Variants in ACAD9 observed in about 807,000 individuals in gnomAD.
ACAD9 encodes the protein acyl-CoA dehydrogenase family member 9, also known as complex I assembly factor ACAD9, mitochondrial.
In ACAD9, 53 loss-of-function variants were observed where a neutral mutation model predicts 70.2. That is an observed-to-expected ratio of 0.75 (90% CI 0.61 to 0.95). ACAD9 has a LOEUF of 0.95. Among genes scored for constraint, ACAD9 ranks in the 40% least tolerant of loss-of-function variants. The pLI is 0.00. For synonymous variants in ACAD9, 313 were observed against 312.1 expected (o/e 1.00, Z -0.03); for missense variants, 777 against 802.8 (o/e 0.97, Z 0.39).
chr3:128,909,028 C>A lies in ACAD9; in HGVS notation c.1414C>A (p.Arg472=), dbSNP rs538712343. Residue 472 remains arginine (R), a synonymous_variant, in exon 14 of 18, where the codon CGG becomes AGG. Transcript: ENST00000308982. ...TVMDTVGRRL[R]DSLGRTVDLG... ...CATGGATACCGTTGGCCGGAGGCTT[C>A]GGGACTCCCTGGGCCGAACTGTGGA... 2 of 1,614,138 alleles carry A rather than the reference C, an allele frequency of 1.2e-6. No homozygotes were observed. Among genetic ancestry groups the A allele is most frequent in the Non-Finnish European group, 8.5e-7 (1 of 1,180,038 alleles).
chr3:128,894,223 A>G (rs1307090767), intron 3 of ACAD9, among the ~76,000 whole-genome samples: 1 of 152,186 alleles, frequency 6.6e-6, no homozygotes, highest in Admixed American at 6.5e-5. Flanking sequence ...GGATGCTGCT[A>G]AGCATCTGAC....
chr3:128,887,649 ATATAT>A (rs1559819643), intron 2 of ACAD9, among the ~76,000 whole-genome samples: 19 of 142,694 alleles, frequency 1.3e-4, no homozygotes, highest in Admixed American at 2.1e-4. Context: ...AAATAAATAT[ATATAT>A]ATATATATAT....
At chr3:128,911,828 T>C (rs1936361723) in intron 17 of ACAD9, among the ~76,000 whole-genome samples, 1 of 152,224 alleles carries the variant, frequency 6.6e-6, no homozygotes, top group South Asian at 2.1e-4. Context: ...GCATTTTACC[T>C]GCCCCTTTAC....
In ACAD9 at chr3:128,909,047, C is replaced by T. The variant is rs755135196; in HGVS notation, c.1433C>T (p.Thr478Ile). 3 of 1,614,172 alleles carry T rather than the reference C, an allele frequency of 1.9e-6. No individual in the cohort carries two copies. The highest frequency in any genetic ancestry group is 2.5e-6 in the Non-Finnish European group (3 of 1,180,044). The change falls in exon 14 of 18, where the codon ACT becomes ATT. Residue 478 changes from threonine to isoleucine, a missense_variant. Transcript: ENST00000308982. ...AGGCTTCGGGACTCCCTGGGCCGAA[C>T]TGTGGACCTGGGGCTGACAGGCAAC... ...GRRLRDSLGR[T>I]VDLGLTGNHG...
At chr3:128,910,273 G>T (rs73862593) in intron 16 of ACAD9, 124 bp downstream of exon 16, 4 of 1,529,064 alleles carry the variant, frequency 2.6e-6, no homozygotes, top group African/African-American at 2.7e-5. Flanking sequence ...TTCACCATGC[G>T]GTGGCCGTGG....
chr3:128,903,975 G>T, intron 9 of ACAD9, 87 bp from the exon 10 acceptor site: 1 of 1,413,832 alleles, frequency 7.1e-7, no homozygotes, highest in South Asian at 1.2e-5. Context: ...GCCCACCTGT[G>T]GGAAGGGTAA....
At chr3:128,880,664 G>A (rs772182248) in intron 1 of ACAD9, among the ~76,000 whole-genome samples, 15 of 152,098 alleles carry the variant, frequency 9.9e-5, no homozygotes, top group Non-Finnish European at 1.6e-4. Flanking sequence ...TGGGATTACA[G>A]GGGTGAGCCA....
chr3:128,898,003 C>T (rs1219830146), intron 6 of ACAD9, among the ~76,000 whole-genome samples: 3 of 151,926 alleles, frequency 2.0e-5, no homozygotes, highest in Non-Finnish European at 4.4e-5. Context: ...ATTAGAGGTG[C>T]GTGTCACCAC....
At position 128,879,772 on chromosome 3, in the gene ACAD9, G is replaced by C; in HGVS notation, c.81G>C (p.Arg27=). The change falls in exon 1 of 18, where the codon CGG becomes CGC. Residue 27 remains arginine, a synonymous_variant. Coordinates refer to ENST00000308982, the MANE Select transcript of ACAD9 (RefSeq NM_014049.5). ...GTCTGGTGGTCTCTACCGCGAACCG[G>C]CGGCTACTGCGCACCAGCCCGCCTG... ...CRGLVVSTAN[R]RLLRTSPPVR... is the part of the protein sequence containing the mutation. 1 of 1,613,696 alleles carries C rather than the reference G, an allele frequency of 6.2e-7. No homozygotes were observed. Among genetic ancestry groups the C allele is most frequent in the Non-Finnish European group, 8.5e-7 (1 of 1,180,012 alleles).
intron 17 of ACAD9, 28 bp from the exon 18 acceptor site, chr3:128,912,479 A>T (rs1352077329): frequency 6.3e-7 from 1 of 1,593,640 alleles, no homozygotes; most frequent in South Asian, 1.1e-5. Flanking sequence ...CAGAAAGATC[A>T]CCCACCATCT....
At chr3:128,901,139 G>A (rs917708120) in intron 7 of ACAD9, 137 bp from the exon 8 acceptor site, 14 of 814,140 alleles carry the variant, frequency 1.7e-5, no homozygotes, top group Non-Finnish European at 2.7e-5. Flanking sequence ...ACAAAGATAG[G>A]AACTTTGTCT....
At chr3:128,890,751 A>G (rs1014797370) in intron 2 of ACAD9, among the ~76,000 whole-genome samples, 4 of 152,190 alleles carry the variant, frequency 2.6e-5, no homozygotes, top group African/African-American at 9.6e-5. Flanking sequence ...GATTCATTAC[A>G]AGTTAATTTG....
chr3:128,896,429 T>C lies in ACAD9; in HGVS notation c.454-7T>C, dbSNP rs2107651193. On this transcript the variant is annotated splice_polypyrimidine_tract_variant and splice_region_variant and intron_variant, in intron 4 of 17. Transcript: ENST00000308982. ...AGCTGACATTAGTCTGTGTCTGTTTTGTTTAGGGGATCATCTTGGCTGGCA... is the reference window on the plus strand; with the variant it reads ...AGCTGACATTAGTCTGTGTCTGTTTCGTTTAGGGGATCATCTTGGCTGGCA... 1 of 1,614,078 alleles carries C rather than the reference T, an allele frequency of 6.2e-7. No individual in the cohort carries two copies. Among genetic ancestry groups the C allele is most frequent in the Non-Finnish European group, 8.5e-7 (1 of 1,179,918 alleles).
rs771474138 is a variant in ACAD9 at position 128,899,274 on chromosome 3, T to C, written c.634-13T>C. 10 of 1,614,028 alleles carry C rather than the reference T, an allele frequency of 6.2e-6. No homozygotes were observed. Among genetic ancestry groups the C allele is most frequent in the Middle Eastern group, 1.6e-4 (1 of 6,084 alleles). On this transcript the variant is annotated splice_polypyrimidine_tract_variant and intron_variant, in intron 6 of 17. Coordinates refer to ENST00000308982, the MANE Select transcript of ACAD9 (RefSeq NM_014049.5). ...GGTTTGGTTTTCTCCAAAGTCCATCTTTCTGTCCTCAGGTCTGGATTACTA... is the reference window on the plus strand; with the variant it reads ...GGTTTGGTTTTCTCCAAAGTCCATCCTTCTGTCCTCAGGTCTGGATTACTA...
chr3:128,890,251 A>G (rs886144499), intron 2 of ACAD9, among the ~76,000 whole-genome samples: 4 of 151,994 alleles, frequency 2.6e-5, no homozygotes, highest in Non-Finnish European at 5.9e-5. Context: ...CATCTGGCTA[A>G]TTTTTGGTAT....
At chr3:128,895,914 C>T (rs1382479302) in intron 4 of ACAD9, among the ~76,000 whole-genome samples, 2 of 152,244 alleles carry the variant, frequency 1.3e-5, no homozygotes, top group Non-Finnish European at 2.9e-5. Flanking sequence ...TCGGCTCCCC[C>T]ACCCCAGAGA....
intron 13 of ACAD9, 109 bp from the exon 14 acceptor site, chr3:128,908,864 C>G: frequency 1.3e-6 from 2 of 1,564,302 alleles, no homozygotes; most frequent in Non-Finnish European, 1.8e-6. Context: ...GCCCAGCATA[C>G]CCAGGCCAGA....
At chr3:128,890,982 T>C in intron 2 of ACAD9, among the ~76,000 whole-genome samples, 1 of 151,626 alleles carries the variant, frequency 6.6e-6, no homozygotes, top group East Asian at 2.0e-4. Flanking sequence ...GCTGGGACTA[T>C]AGGTGCGCAT....
At chr3:128,908,752 T>A (rs1935992459) in intron 13 of ACAD9, 1 of 641,880 alleles carries the variant, frequency 1.6e-6, no homozygotes, top group Non-Finnish European at 2.7e-6. Context: ...AAGCTGGCTG[T>A]GACTCCACCC....
Sources: allele counts gnomAD v4.1 joint callset (sites outside exome capture counted in the v4.1 genomes callset), GRCh38; gene constraint gnomAD v4.1.1; transcripts MANE v1.5; gene names NCBI Gene and HGNC (gene_info 2026-07-23, HGNC 2026-07-21).